VSNL1: variants seen among roughly 807,000 people sequenced by gnomAD.
VSNL1 encodes visinin-like protein 1.
VSNL1 carries 6 observed loss-of-function variants against 20.4 expected under a neutral mutation model. The ratio of observed to expected loss-of-function variants is 0.29; its 90% CI spans 0.16 to 0.58. VSNL1 has a LOEUF of 0.58. Among genes scored for constraint, VSNL1 ranks in the 20% least tolerant of loss-of-function variants. VSNL1 has a pLI of 0.90. For synonymous variants in VSNL1, 93 were observed against 86.4 expected, an observed-to-expected ratio of 1.08 and a Z score of -0.42; for missense variants, 100 against 234.5, an observed-to-expected ratio of 0.43 and a Z score of 3.75.
intron 1 of VSNL1, among the ~76,000 whole-genome samples, chr2:17,583,608 C>A (rs1430361652): frequency 3.9e-5 from 6 of 152,148 alleles, no homozygotes; most frequent in Non-Finnish European, 8.8e-5. Flanking sequence ...TGAAAGGTTA[C>A]CAGCTATTAA....
intron 2 of VSNL1, among the ~76,000 whole-genome samples, chr2:17,616,921 A>G (rs1252483301): frequency 1.3e-5 from 2 of 152,174 alleles, no homozygotes; most frequent in African/African-American, 4.8e-5. Flanking sequence ...CACTATTCTG[A>G]GAAAGATGGG....
chr2:17,617,379 C>A (rs1665242119), intron 2 of VSNL1, among the ~76,000 whole-genome samples: 1 of 152,060 alleles, frequency 6.6e-6, no homozygotes, highest in Admixed American at 6.6e-5. Context: ...GTCTGTAGTC[C>A]CAGCTACTTT....
At chr2:17,568,869 G>A (rs964840220) in intron 1 of VSNL1, among the ~76,000 whole-genome samples, 3 of 151,702 alleles carry the variant, frequency 2.0e-5, no homozygotes, top group African/African-American at 7.3e-5. Flanking sequence ...TTTTCCTTTA[G>A]CATTTTGAAA....
At chr2:17,616,075 C>A (rs1397756498) in intron 2 of VSNL1, among the ~76,000 whole-genome samples, 1 of 152,228 alleles carries the variant, frequency 6.6e-6, no homozygotes, top group African/African-American at 2.4e-5. Context: ...AGAAAGGTGA[C>A]TAAGACTGTC....
intron 1 of VSNL1, among the ~76,000 whole-genome samples, chr2:17,578,732 T>G (rs1408084346): frequency 6.6e-6 from 1 of 152,230 alleles, no homozygotes; most frequent in Non-Finnish European, 1.5e-5. Flanking sequence ...ATTGTCTCTT[T>G]CAGCAAAGAT....
intron 1 of VSNL1, among the ~76,000 whole-genome samples, chr2:17,572,574 C>T (rs142224004): frequency 6.6e-6 from 1 of 152,144 alleles, no homozygotes; most frequent in Admixed American, 6.5e-5. Context: ...TGTTTCATGC[C>T]ATACAATAAC....
chr2:17,574,084 T>C (rs1374785165), intron 1 of VSNL1, among the ~76,000 whole-genome samples: 2 of 152,230 alleles, frequency 1.3e-5, no homozygotes, highest in African/African-American at 4.8e-5. Flanking sequence ...TTCTCATGCA[T>C]CTGGTAATTT....
chr2:17,580,268 C>A (rs1039447698), intron 1 of VSNL1, among the ~76,000 whole-genome samples: 40 of 152,060 alleles, frequency 2.6e-4, no homozygotes, highest in African/African-American at 9.4e-4. Context: ...AGGAATCTAC[C>A]CAAAGGACAA....
chr2:17,555,946 A>G (rs150306756), intron 1 of VSNL1, among the ~76,000 whole-genome samples: 99 of 152,300 alleles, frequency 6.5e-4, no homozygotes, highest in Middle Eastern at 6.8e-3. Context: ...TCTTTTTTCA[A>G]GAAGCTAATG....
chr2:17,607,649 G>T (rs1664977440), intron 2 of VSNL1, among the ~76,000 whole-genome samples: 2 of 152,176 alleles, frequency 1.3e-5, no homozygotes, highest in Non-Finnish European at 2.9e-5. Context: ...TTGACATTGT[G>T]GCTATTTTTT....
At chr2:17,641,442 A>G (rs1201869936) in intron 2 of VSNL1, among the ~76,000 whole-genome samples, 2 of 152,204 alleles carry the variant, frequency 1.3e-5, no homozygotes, top group Admixed American at 6.5e-5. Flanking sequence ...GAAACTCACC[A>G]CAATTTCCAA....
At chr2:17,598,809 T>A (rs1183617557) in intron 2 of VSNL1, among the ~76,000 whole-genome samples, 2 of 152,218 alleles carry the variant, frequency 1.3e-5, no homozygotes, top group Non-Finnish European at 2.9e-5. Flanking sequence ...TAATTGGCAC[T>A]AAGACAAATG....
chr2:17,599,577 C>G (rs563501356), intron 2 of VSNL1, among the ~76,000 whole-genome samples: 3 of 152,312 alleles, frequency 2.0e-5, no homozygotes, highest in African/African-American at 7.2e-5. Context: ...TGCCATAGGT[C>G]TCTCCCTTGT....
intron 2 of VSNL1, among the ~76,000 whole-genome samples, chr2:17,621,080 C>A (rs1372314123): frequency 6.6e-6 from 1 of 152,100 alleles, no homozygotes; most frequent in Non-Finnish European, 1.5e-5. Flanking sequence ...TTTTTATATA[C>A]AAGAATGAAC....
intron 1 of VSNL1, among the ~76,000 whole-genome samples, chr2:17,568,011 G>A (rs1472626309): frequency 1.3e-5 from 2 of 151,878 alleles, no homozygotes; most frequent in Non-Finnish European, 2.9e-5. Context: ...TTTTTTAGAT[G>A]ATTCCTTACA....
At chr2:17,540,094 A>AC (rs1162123654), upstream of VSNL1, 1 of 152,012 alleles carries the variant, frequency 6.6e-6, no homozygotes, top group African/African-American at 2.4e-5. Flanking sequence ...GTGCTGCAGG[A>AC]CCCGGCTCCC....
rs2103374816 is a variant in VSNL1 at position 17,590,709 on chromosome 2, G to T, written c.-5-1361G>T. Among the ~76,000 whole-genome samples, 2 of 152,234 alleles carry T rather than the reference G, an allele frequency of 1.3e-5. 1 individual carries two copies. Among genetic ancestry groups the T allele is most frequent in the South Asian group, 4.1e-4 (2 of 4,826 alleles). ...ACAATGGGTGTGGAATCTGTTTTAG[G>T]AGAAGTTAAAAAATCATGACAATAA... On this transcript the variant is annotated intron_variant, in intron 1 of 3. Transcript: ENST00000295156.
chr2:17,590,497 G>A (rs1387359496), intron 1 of VSNL1, among the ~76,000 whole-genome samples: 1 of 152,206 alleles, frequency 6.6e-6, no homozygotes, highest in Non-Finnish European at 1.5e-5. Flanking sequence ...ACAAAGGGAA[G>A]AGTTGCTGAT....
At chr2:17,614,023 G>C (rs1402408315) in intron 2 of VSNL1, among the ~76,000 whole-genome samples, 5 of 152,210 alleles carry the variant, frequency 3.3e-5, no homozygotes, top group Admixed American at 1.3e-4. Flanking sequence ...AAACACGCAT[G>C]GGGAGGTGGC....
Sources: allele counts gnomAD v4.1 joint callset (sites outside exome capture counted in the v4.1 genomes callset), GRCh38; gene constraint gnomAD v4.1.1; transcripts MANE v1.5; gene names NCBI Gene and HGNC (gene_info 2026-07-23, HGNC 2026-07-21).